PLPPR1: variants seen among roughly 807,000 people sequenced by gnomAD.
PLPPR1 encodes phospholipid phosphatase related 1, also known as phospholipid phosphatase-related protein type 1.
Under a neutral mutation model 33.1 loss-of-function variants are expected in PLPPR1, and 10 were observed. The ratio of observed to expected loss-of-function variants is 0.30; its 90% confidence interval spans 0.19 to 0.51. PLPPR1 has a LOEUF of 0.51. Among genes scored for constraint, PLPPR1 ranks in the 20% least tolerant of loss-of-function variants. PLPPR1 has a pLI of 0.97. For missense variants in PLPPR1, 304 were observed against 408.1 expected (o/e 0.74, Z 2.20); for synonymous variants, 151 against 151.0 (o/e 1.00, Z 0.00).
intron 1 of PLPPR1, among the ~76,000 whole-genome samples, chr9:101,132,129 G>C (rs561333502): frequency 6.6e-6 from 1 of 152,278 alleles, no homozygotes; most frequent in East Asian, 1.9e-4. Context: ...TTTAAACACA[G>C]ATAGTTTGGA....
chr9:101,227,414 G>A (rs557322556), intron 2 of PLPPR1, among the ~76,000 whole-genome samples: 2 of 152,206 alleles, frequency 1.3e-5, no homozygotes, highest in African/African-American at 4.8e-5. Context: ...GATGTTGAAC[G>A]TTTTTTCATA....
intron 1 of PLPPR1, among the ~76,000 whole-genome samples, chr9:101,136,562 C>T (rs957120755): frequency 3.3e-5 from 5 of 152,214 alleles, no homozygotes; most frequent in Non-Finnish European, 7.3e-5. Context: ...ATCTTTTACT[C>T]ATAAATCTCT....
chr9:101,172,492 T>C (rs1239717879), intron 1 of PLPPR1, among the ~76,000 whole-genome samples: 1 of 151,868 alleles, frequency 6.6e-6, no homozygotes, highest in Admixed American at 6.6e-5. Flanking sequence ...AGTTAGGAGG[T>C]TTTCTACCTT....
At chr9:101,279,998 C>T (rs1247285419) in intron 3 of PLPPR1, among the ~76,000 whole-genome samples, 2 of 151,724 alleles carry the variant, frequency 1.3e-5, no homozygotes, top group South Asian at 2.1e-4. Context: ...TACAAAAGAT[C>T]GATTAAATGA....
chr9:101,314,590 T>C (rs946373451), intron 6 of PLPPR1, among the ~76,000 whole-genome samples: 1 of 150,724 alleles, frequency 6.6e-6, no homozygotes, highest in African/African-American at 2.4e-5. Flanking sequence ...AAGTGTGCAA[T>C]AGCATTATGT....
At chr9:101,141,141 G>C (rs1020414471) in intron 1 of PLPPR1, among the ~76,000 whole-genome samples, 1 of 152,072 alleles carries the variant, frequency 6.6e-6, no homozygotes, top group Non-Finnish European at 1.5e-5. Context: ...ATTACCAACC[G>C]TGAAGAACAT....
intron 1 of PLPPR1, among the ~76,000 whole-genome samples, chr9:101,061,561 C>T (rs115900822): frequency 0.014 from 2,193 of 152,006 alleles, 60 homozygotes; most frequent in African/African-American, 0.05. Context: ...TTTGCCATCA[C>T]TTTTAATGGC....
At chr9:101,258,965 T>C (rs962635227) in intron 2 of PLPPR1, among the ~76,000 whole-genome samples, 1 of 152,198 alleles carries the variant, frequency 6.6e-6, no homozygotes, top group African/African-American at 2.4e-5. Flanking sequence ...ATCCATGTCA[T>C]TGAATTAAAA....
At chr9:101,067,319 G>C (rs1295471913) in intron 1 of PLPPR1, among the ~76,000 whole-genome samples, 8 of 151,940 alleles carry the variant, frequency 5.3e-5, no homozygotes, top group African/African-American at 1.9e-4. Context: ...ATCTTGGTCT[G>C]CTTTAGGATA....
intron 1 of PLPPR1, among the ~76,000 whole-genome samples, chr9:101,097,877 A>G (rs960249595): frequency 6.6e-6 from 1 of 152,180 alleles, no homozygotes; most frequent in Non-Finnish European, 1.5e-5. Context: ...AGCATAAAAT[A>G]TAAAATAGCT....
At chr9:101,083,884 T>C (rs1830649056) in intron 1 of PLPPR1, among the ~76,000 whole-genome samples, 1 of 152,234 alleles carries the variant, frequency 6.6e-6, no homozygotes, top group South Asian at 2.1e-4. Context: ...TCATGAGACC[T>C]CCACCTTGGC....
At chr9:101,116,590 G>A (rs879313205) in intron 1 of PLPPR1, among the ~76,000 whole-genome samples, 14 of 152,008 alleles carry the variant, frequency 9.2e-5, no homozygotes, top group Admixed American at 3.3e-4. Flanking sequence ...CAAGGCGGGC[G>A]GATCACAAGG....
At chr9:101,164,625 C>T (rs767834293) in intron 1 of PLPPR1, among the ~76,000 whole-genome samples, 39 of 152,082 alleles carry the variant, frequency 2.6e-4, no homozygotes, top group Non-Finnish European at 5.0e-4. Flanking sequence ...GCCTCGGCCT[C>T]CCAAAGTGCC....
chr9:101,155,068 A>C (rs1831660169), intron 1 of PLPPR1, among the ~76,000 whole-genome samples: 1 of 151,776 alleles, frequency 6.6e-6, no homozygotes, highest in Admixed American at 6.6e-5. Flanking sequence ...TACGTAACAA[A>C]CCTGCATGTT....
intron 2 of PLPPR1, among the ~76,000 whole-genome samples, chr9:101,212,153 G>A (rs1453530027): frequency 6.6e-6 from 1 of 151,886 alleles, no homozygotes; most frequent in Admixed American, 6.6e-5. Context: ...TGTGATCTCG[G>A]CTCACTGTAA....
intron 1 of PLPPR1, among the ~76,000 whole-genome samples, chr9:101,170,010 G>A (rs919153723): frequency 3.3e-5 from 5 of 151,818 alleles, no homozygotes; most frequent in Non-Finnish European, 7.4e-5. Context: ...GAGTCAATCA[G>A]GAGCTTAAAA....
chr9:101,044,412 TC>T (rs2118427820), intron 1 of PLPPR1, among the ~76,000 whole-genome samples: 1 of 152,248 alleles, frequency 6.6e-6, no homozygotes, highest in South Asian at 2.1e-4. Context: ...GTGTGAGATT[TC>T]TGTCAAAAGT....
intron 1 of PLPPR1, among the ~76,000 whole-genome samples, chr9:101,183,378 A>G (rs1826151021): frequency 6.6e-6 from 1 of 151,826 alleles, no homozygotes; most frequent in Non-Finnish European, 1.5e-5. Context: ...TCTCAAAAAT[A>G]TGCTACGTGA....
chr9:101,174,696 T>TGAA (rs1223452209), intron 1 of PLPPR1, among the ~76,000 whole-genome samples: 2 of 152,220 alleles, frequency 1.3e-5, no homozygotes, highest in Admixed American at 6.5e-5. Context: ...TACCTAGGAA[T>TGAA]GATTATATTT....
Sources: allele counts gnomAD v4.1 joint callset (sites outside exome capture counted in the v4.1 genomes callset), GRCh38; gene constraint gnomAD v4.1.1; transcripts MANE v1.5; gene names NCBI Gene and HGNC (gene_info 2026-07-23, HGNC 2026-07-21).